The following GPM6A variants were observed in gnomAD, a reference collection of about 807,000 sequenced individuals.
GPM6A encodes neuronal membrane glycoprotein M6-a.
Under a neutral mutation model 32.1 loss-of-function variants are expected in GPM6A, and 7 were observed. That is an observed-to-expected ratio of 0.22 (90% CI 0.12 to 0.41). GPM6A has a LOEUF of 0.41. Among genes scored for constraint, GPM6A ranks in the 10% least tolerant of loss-of-function variants. The pLI, the probability that GPM6A is intolerant of heterozygous loss-of-function variation, is 1.00. For synonymous variants in GPM6A, 130 were observed against 123.4 expected, an observed-to-expected ratio of 1.05 and a Z score of -0.35; for missense variants, 235 against 347.2, an observed-to-expected ratio of 0.68 and a Z score of 2.57.
At chr4:175,866,303 T>C (rs1209501570) in intron 1 of GPM6A, among the ~76,000 whole-genome samples, 1 of 152,108 alleles carries the variant, frequency 6.6e-6, no homozygotes, top group Non-Finnish European at 1.5e-5. Flanking sequence ...AGTCCATAGT[T>C]TGCCTTAGGG....
intron 1 of GPM6A, among the ~76,000 whole-genome samples, chr4:175,788,474 A>G (rs982345222): frequency 6.6e-6 from 1 of 152,200 alleles, no homozygotes; most frequent in Non-Finnish European, 1.5e-5. Flanking sequence ...TTTTTTTTAA[A>G]TAACAGTTTT....
intron 1 of GPM6A, among the ~76,000 whole-genome samples, chr4:175,735,440 A>G (rs1181140219): frequency 6.6e-6 from 1 of 152,244 alleles, no homozygotes; most frequent in African/African-American, 2.4e-5. Flanking sequence ...TCAGGCTGTG[A>G]AATGTAATGA....
chr4:175,643,454 G>A lies in GPM6A; in HGVS notation c.542-2625C>T, dbSNP rs567552063. 1.1e-3 allele frequency among the ~76,000 whole-genome samples: 163 copies of A among 152,196 alleles called. 1 individual carries two copies. The highest frequency in any genetic ancestry group is 2.1e-3 in the Non-Finnish European group (145 of 68,016). ...TTCCCTGTTGTTTCCTGAGAAACCA[G>A]GTATCACATTGGCTTGGTAACTTAG... On this transcript the variant is annotated intron_variant, in intron 4 of 6. Transcript: ENST00000393658.
chr4:175,763,006 C>A lies in GPM6A; in HGVS notation c.37+49185G>T, dbSNP rs541520112. Reference sequence around the variant, plus strand: ...AAATTAGATTGTGGTAATGGTTTCACAATGCTGCCTGTGTTCTAAAAACCA... The same window carrying A: ...AAATTAGATTGTGGTAATGGTTTCAAAATGCTGCCTGTGTTCTAAAAACCA... On this transcript the variant is annotated intron_variant, in intron 1 of 6. Transcript: ENST00000393658. Among the ~76,000 whole-genome samples, 7 of 152,192 alleles carry A rather than the reference C, an allele frequency of 4.6e-5. No homozygotes were observed. In the South Asian group the frequency reaches 1.5e-3, roughly 32 times the overall value.
chr4:175,787,256 G>A (rs1579500110), intron 1 of GPM6A: 2 of 790,992 alleles, frequency 2.5e-6, no homozygotes, highest in Non-Finnish European at 2.1e-6. Flanking sequence ...AATGAGGCAT[G>A]CACTACAGAG....
chr4:175,969,858 AT>A (rs1400966048), intron 1 of GPM6A, among the ~76,000 whole-genome samples: 1 of 152,124 alleles, frequency 6.6e-6, no homozygotes, highest in Non-Finnish European at 1.5e-5. Context: ...TTTCAACTCA[AT>A]TTTCTATTAA....
chr4:175,941,846 C>G (rs981690520), intron 1 of GPM6A, among the ~76,000 whole-genome samples: 2 of 152,118 alleles, frequency 1.3e-5, no homozygotes, highest in African/African-American at 4.8e-5. Context: ...AATAAACATA[C>G]GTGTGCATGT....
chr4:175,777,347 T>TTTA (rs1209728376), intron 1 of GPM6A, among the ~76,000 whole-genome samples: 1 of 152,080 alleles, frequency 6.6e-6, no homozygotes, highest in Non-Finnish European at 1.5e-5. Flanking sequence ...TTATTATCTA[T>TTTA]TTATTATTAT....
At chr4:175,893,977 C>T (rs1419314269) in intron 1 of GPM6A, among the ~76,000 whole-genome samples, 1 of 152,026 alleles carries the variant, frequency 6.6e-6, no homozygotes, top group East Asian at 1.9e-4. Context: ...TGAGATCATT[C>T]CTGTTGAAAT....
chr4:175,880,069 T>C lies in GPM6A; in HGVS notation c.-22-67820A>G, dbSNP rs1737219894. Among the ~76,000 whole-genome samples the C allele has an allele frequency of 2.6e-5, 4 of 152,206 alleles. No homozygotes were observed. In the South Asian group the frequency reaches 8.3e-4, roughly 31 times the overall value. On this transcript the variant is annotated intron_variant, in intron 1 of 7. Coordinates refer to the GPM6A transcript ENST00000280187. ...ATCTTGAATTAATTTTTGTATAAGGTACAAGGAAGGGATCCAGTTTCAGCT... is the reference window on the plus strand; with the variant it reads ...ATCTTGAATTAATTTTTGTATAAGGCACAAGGAAGGGATCCAGTTTCAGCT...
chr4:175,988,804 TG>T (rs1335938233), intron 1 of GPM6A, among the ~76,000 whole-genome samples: 2 of 152,194 alleles, frequency 1.3e-5, no homozygotes, highest in Non-Finnish European at 2.9e-5. Context: ...AGAGCCTAAT[TG>T]GCAAAGATTA....
chr4:175,973,865 A>G (rs948891452), intron 1 of GPM6A, among the ~76,000 whole-genome samples: 1 of 152,128 alleles, frequency 6.6e-6, no homozygotes, highest in African/African-American at 2.4e-5. Context: ...CTTTATGCTG[A>G]CTTTTTTTTC....
intron 1 of GPM6A, among the ~76,000 whole-genome samples, chr4:175,728,727 C>A (rs1197466110): frequency 6.6e-6 from 1 of 152,134 alleles, no homozygotes; most frequent in Non-Finnish European, 1.5e-5. Flanking sequence ...CTGTTGGTGC[C>A]CTCTCCCTGT....
chr4:175,811,954 T>C, intron 1 of GPM6A: 1 of 406,616 alleles, frequency 2.5e-6, no homozygotes, highest in Non-Finnish European at 4.4e-6. Context: ...AATACCGCAA[T>C]GCTCTTCTCA....
chr4:175,664,026 C>G (rs1471343459), intron 3 of GPM6A, among the ~76,000 whole-genome samples: 1 of 151,938 alleles, frequency 6.6e-6, no homozygotes, highest in African/African-American at 2.4e-5. Flanking sequence ...ACAAATTGTG[C>G]CATAAAGCCA....
At chr4:175,900,326 AGG>A (rs1262111681) in intron 1 of GPM6A, among the ~76,000 whole-genome samples, 7 of 144,380 alleles carry the variant, frequency 4.8e-5, no homozygotes, top group Non-Finnish European at 3.0e-5. Flanking sequence ...AGGAAAGGAA[AGG>A]AAAGGAAAGG....
chr4:175,709,187 T>C (rs1459022599), intron 1 of GPM6A, among the ~76,000 whole-genome samples: 2 of 152,148 alleles, frequency 1.3e-5, no homozygotes, highest in Non-Finnish European at 2.9e-5. Flanking sequence ...TCTTCTCCAG[T>C]GATTTTAATT....
upstream of GPM6A, among the ~76,000 whole-genome samples, chr4:175,814,760 C>G (rs1011187393): frequency 6.6e-6 from 1 of 152,172 alleles, no homozygotes; most frequent in African/African-American, 2.4e-5. Flanking sequence ...CATACATAGC[C>G]TCCTCACAGC....
intron 1 of GPM6A, among the ~76,000 whole-genome samples, chr4:175,889,799 C>A (rs1462168180): frequency 2.6e-5 from 4 of 151,244 alleles, no homozygotes; most frequent in African/African-American, 9.7e-5. Context: ...GGTGACAGAG[C>A]GAGACTCCGT....
Sources: allele counts gnomAD v4.1 joint callset (sites outside exome capture counted in the v4.1 genomes callset), GRCh38; gene constraint gnomAD v4.1.1; transcripts MANE v1.5; gene names NCBI Gene and HGNC (gene_info 2026-07-23, HGNC 2026-07-21).